IL23R: variants seen among roughly 807,000 people sequenced by gnomAD.
The protein encoded by IL23R is interleukin-23 receptor.
In IL23R, 34 loss-of-function variants were observed where a neutral mutation model predicts 56.9. The ratio of observed to expected loss-of-function variants is 0.60; its 90% CI spans 0.45 to 0.80. The LOEUF is 0.80. Ranked by LOEUF, IL23R falls within the 30% of genes least tolerant of loss-of-function variation. The pLI is 0.00. For missense variants in IL23R, 635 were observed against 730.0 expected, an observed-to-expected ratio of 0.87 and a Z score of 1.50; for synonymous variants, 230 against 249.2, an observed-to-expected ratio of 0.92 and a Z score of 0.73.
At chr1:67,161,421 A>C (rs1379823503) in intron 1 of IL23R, among the ~76,000 whole-genome samples, 3 of 152,140 alleles carry the variant, frequency 2.0e-5, no homozygotes, top group African/African-American at 7.2e-5. Flanking sequence ...AAGGAAGAAA[A>C]AAATCATAAT....
intron 4 of IL23R, chr1:67,195,993 A>T (rs888319933): frequency 2.0e-5 from 3 of 152,296 alleles, no homozygotes; most frequent in Non-Finnish European, 4.4e-5. Context: ...GGAGTTGCTG[A>T]AAAGATATAT....
intron 6 of IL23R, among the ~76,000 whole-genome samples, chr1:67,209,527 T>C (rs1173047283): frequency 6.6e-6 from 1 of 152,194 alleles, no homozygotes; most frequent in Non-Finnish European, 1.5e-5. Flanking sequence ...TTTCCGCTTT[T>C]GCTTTTTCCT....
At chr1:67,233,195 CAAAAA>C (rs34125353) in intron 7 of IL23R, among the ~76,000 whole-genome samples, 1 of 53,636 alleles carries the variant, frequency 1.9e-5, no homozygotes. Context: ...CTAAAAATTC[CAAAAA>C]AAAAAAAAAA....
chr1:67,186,453 CAA>C (rs1039063041), intron 4 of IL23R, among the ~76,000 whole-genome samples: 1 of 148,256 alleles, frequency 6.7e-6, no homozygotes, highest in African/African-American at 2.5e-5. Flanking sequence ...TTCATCATGC[CAA>C]AAAAAAAATC....
At chr1:67,154,600 A>G (rs912855430) in intron 1 of IL23R, among the ~76,000 whole-genome samples, 5 of 151,650 alleles carry the variant, frequency 3.3e-5, no homozygotes, top group African/African-American at 1.2e-4. Context: ...TTTAAATTTT[A>G]TTTTATTATT....
intron 1 of IL23R, among the ~76,000 whole-genome samples, chr1:67,150,487 G>A (rs1812491): frequency 0.31 from 46,675 of 151,210 alleles, 7,802 homozygotes; most frequent in Admixed American, 0.45. Flanking sequence ...TGTTCTCATC[G>A]CTCAACTCCC....
chr1:67,195,971 T>A (rs1648116968), intron 4 of IL23R, among the ~76,000 whole-genome samples: 1 of 152,130 alleles, frequency 6.6e-6, no homozygotes, highest in Non-Finnish European at 1.5e-5. Context: ...ATTTTGGGGC[T>A]AGAAAAATTT....
At position 67,211,102 on chromosome 1, in the gene IL23R, G is replaced by A. The variant is rs113526915; in HGVS notation, c.798+4047G>A. ...TCAAATCATAAATGTGAACTTTATG[G>A]TTGTTTGCATACACTTAAATGGGAT... is the stretch of plus-strand genomic sequence containing the variant. On this transcript the variant is annotated intron_variant, in intron 6 of 10. Transcript: ENST00000347310. Among the ~76,000 whole-genome samples, 655 of 152,118 alleles carry A rather than the reference G, an allele frequency of 4.3e-3. 4 individuals are homozygous for A. Among genetic ancestry groups the A allele is most frequent in the Non-Finnish European group, 7.3e-3 (495 of 68,014 alleles).
At chr1:67,176,206 T>C (rs961948015) in intron 3 of IL23R, among the ~76,000 whole-genome samples, 3 of 152,166 alleles carry the variant, frequency 2.0e-5, no homozygotes, top group Non-Finnish European at 4.4e-5. Flanking sequence ...TAATAGGCTC[T>C]TTAAAAGTGT....
chr1:67,190,270 C>T (rs1006022785), intron 4 of IL23R, among the ~76,000 whole-genome samples: 12 of 152,166 alleles, frequency 7.9e-5, no homozygotes, highest in African/African-American at 2.9e-4. Context: ...CAGGCCTCCT[C>T]ATGTTGGGGT....
chr1:67,239,516 C>T (rs979929736), intron 8 of IL23R, among the ~76,000 whole-genome samples: 31 of 152,204 alleles, frequency 2.0e-4, no homozygotes, highest in Admixed American at 1.8e-3. Context: ...CCTCCCACCT[C>T]GGCCTCTCAA....
Position 67,179,602 on chromosome 1 carries a change from T to C in IL23R, c.368-3234T>C, listed in dbSNP as rs13291539. Among the ~76,000 whole-genome samples, 883 of 152,340 alleles carry C rather than the reference T, an allele frequency of 5.8e-3. 6 individuals carry two copies. Among genetic ancestry groups the C allele is most frequent in the African/African-American group, 0.02 (851 of 41,584 alleles). Reference sequence around the variant, plus strand: ...ATTCATTGATTTTTTGAAGGGTTTTTTGTGTCTCTATTTCCTTCAGTTCTG... The same window carrying C: ...ATTCATTGATTTTTTGAAGGGTTTTCTGTGTCTCTATTTCCTTCAGTTCTG... On this transcript the variant is annotated intron_variant, in intron 3 of 10. Coordinates refer to ENST00000347310, the MANE Select transcript of IL23R (RefSeq NM_144701.3).
chr1:67,163,070 T>C (rs1646836940), upstream of IL23R, among the ~76,000 whole-genome samples: 1 of 152,072 alleles, frequency 6.6e-6, no homozygotes, highest in African/African-American at 2.4e-5. Context: ...CAGGAAATGG[T>C]GATGATTCAA....
chr1:67,187,350 G>A (rs1553287440), intron 4 of IL23R, among the ~76,000 whole-genome samples: 1 of 152,126 alleles, frequency 6.6e-6, no homozygotes, highest in Non-Finnish European at 1.5e-5. Context: ...GCAAATTCCA[G>A]ACAGATGAAC....
At chr1:67,189,586 A>G (rs993743477) in intron 4 of IL23R, among the ~76,000 whole-genome samples, 7 of 152,210 alleles carry the variant, frequency 4.6e-5, no homozygotes, top group Non-Finnish European at 7.3e-5. Context: ...TAGACAGGTC[A>G]GAAAAGGAAA....
At chr1:67,222,012 A>C (rs1034313390) in intron 7 of IL23R, among the ~76,000 whole-genome samples, 10 of 152,032 alleles carry the variant, frequency 6.6e-5, no homozygotes, top group Non-Finnish European at 1.3e-4. Flanking sequence ...TCTATTTAAA[A>C]AAAATAAAAA....
intron 3 of IL23R, among the ~76,000 whole-genome samples, chr1:67,177,002 T>C (rs1230498887): frequency 4.6e-5 from 7 of 152,244 alleles, no homozygotes; most frequent in Non-Finnish European, 8.8e-5. Flanking sequence ...CACATTTTTT[T>C]AATCCACTCT....
intron 7 of IL23R, among the ~76,000 whole-genome samples, chr1:67,227,519 G>C (rs879735979): frequency 1.3e-5 from 2 of 151,078 alleles, no homozygotes; most frequent in African/African-American, 4.9e-5. Context: ...AAACAGTATT[G>C]GTTGTTGCAC....
intron 4 of IL23R, among the ~76,000 whole-genome samples, chr1:67,197,942 AG>A (rs753584089): frequency 0.41 from 55,219 of 133,652 alleles, 10,325 homozygotes; most frequent in Admixed American, 0.49. Flanking sequence ...TCATTAAAAA[AG>A]AAAAGAAAAG....
Sources: gnomAD v4.1 joint callset for allele counts (sites outside exome capture counted in the v4.1 genomes callset) on GRCh38, gnomAD v4.1.1 for gene constraint, MANE v1.5 for transcripts, NCBI Gene and HGNC (gene_info 2026-07-23, HGNC 2026-07-21) for gene names.